Variants in SERTM1 observed in about 807,000 individuals in gnomAD.
The protein encoded by SERTM1 is serine-rich and transmembrane domain-containing protein 1.
SERTM1 carries 1 observed loss-of-function variant against 5.5 expected under a neutral mutation model. The ratio of observed to expected loss-of-function variants is 0.18; its 90% CI spans 0.06 to 0.86. The LOEUF (loss-of-function observed/expected upper bound fraction) is 0.86. Ranked by LOEUF, SERTM1 falls within the 40% of genes least tolerant of loss-of-function variation. SERTM1 has a pLI of 0.69. For missense variants in SERTM1, 91 were observed against 122.4 expected, an observed-to-expected ratio of 0.74 and a Z score of 1.21; for synonymous variants, 52 against 55.1, an observed-to-expected ratio of 0.94 and a Z score of 0.25.
chr13:36,691,445 C>T (rs78646018), intron 1 of SERTM1, among the ~76,000 whole-genome samples: 3 of 152,144 alleles, frequency 2.0e-5, no homozygotes, highest in Non-Finnish European at 2.9e-5. Flanking sequence ...TCCTTCCTCA[C>T]TTCACTAGGG....
Position 36,694,906 on chromosome 13 carries a change from T to C in SERTM1, c.-173T>C. ...GCACTGACTTGCTTTTTTTTTTCAG[T>C]CTCAATGCACATCTGATACCTGCTG... On this transcript the variant is annotated splice_region_variant and 5_prime_UTR_variant, in exon 2 of 2. Transcript: ENST00000315190. The C allele has an allele frequency of 1.1e-5, 6 of 560,584 alleles. No individual in the cohort carries two copies. The highest frequency in any genetic ancestry group is 1.3e-5 in the Non-Finnish European group (4 of 319,148). The allele number at this position is 560,584 out of a possible 1,614,324, so 34.7% of individuals were successfully genotyped here. A position where few individuals can be genotyped will look rare whatever the true frequency, so the allele number is the denominator to read the frequency against.
chr13:36,688,998 C>A (rs1414890322), intron 1 of SERTM1, among the ~76,000 whole-genome samples: 1 of 151,928 alleles, frequency 6.6e-6, no homozygotes, highest in East Asian at 1.9e-4. Context: ...TGCAGGAATT[C>A]TACTCCTTGG....
chr13:36,696,742 A>G lies in SERTM1; in HGVS notation c.*1340A>G, dbSNP rs1439540581. ...CCTTAAGAGTAAGAATTTTAATTTAATTTTGAAAATAAATGGCCCACAGGG... is the reference window on the plus strand; with the variant it reads ...CCTTAAGAGTAAGAATTTTAATTTAGTTTTGAAAATAAATGGCCCACAGGG... On this transcript the variant is annotated 3_prime_UTR_variant, in exon 2 of 2. Coordinates refer to ENST00000315190, the MANE Select transcript of SERTM1 (RefSeq NM_203451.3). The G allele has an allele frequency of 6.0e-6, 1 of 167,086 alleles. No homozygotes were observed. Among genetic ancestry groups the G allele is most frequent in the Non-Finnish European group, 1.5e-5 (1 of 68,116 alleles). The allele number at this position is 167,086 out of a possible 1,614,324, so 10.4% of individuals were successfully genotyped here. A position where few individuals can be genotyped will look rare whatever the true frequency, so the allele number is the denominator to read the frequency against.
In SERTM1 at chr13:36,697,312, A is replaced by ATATATATATAT. The variant is rs2056822145; in HGVS notation, c.*1910_*1911insTATATATATAT. On this transcript the variant is annotated 3_prime_UTR_variant, in exon 2 of 2. Coordinates refer to ENST00000315190, the MANE Select transcript of SERTM1 (RefSeq NM_203451.3). ...ATACGCACACACACACACACACATA[A>ATATATATATAT]ATATATATATATATATATATATATA... The ATATATATATAT allele has an allele frequency of 2.1e-5, 3 of 143,830 alleles. No individual in the cohort carries two copies. Among genetic ancestry groups the ATATATATATAT allele is most frequent in the African/African-American group, 8.3e-5 (3 of 36,162 alleles). 8.9% of individuals were successfully genotyped at this position (143,830 alleles called of 1,614,324 possible).
At chr13:36,681,378 T>C (rs529053740) in intron 1 of SERTM1, among the ~76,000 whole-genome samples, 2 of 152,322 alleles carry the variant, frequency 1.3e-5, no homozygotes, top group South Asian at 2.1e-4. Context: ...GGTGGCTACT[T>C]TGAGTAGCCC....
intron 1 of SERTM1, among the ~76,000 whole-genome samples, chr13:36,683,538 G>T (rs1389909957): frequency 2.0e-5 from 3 of 152,096 alleles, no homozygotes; most frequent in Middle Eastern, 3.2e-3. Context: ...AACAACAAAA[G>T]TTTATTAATG....
intron 1 of SERTM1, among the ~76,000 whole-genome samples, chr13:36,675,624 CTCT>C (rs1481041708): frequency 6.6e-6 from 1 of 152,042 alleles, no homozygotes; most frequent in Non-Finnish European, 1.5e-5. Flanking sequence ...TAACTAAATT[CTCT>C]TCATTTTACT....
rs2056822145 is a variant in SERTM1, at chr13:36,697,312, A to ATATATATAT, written c.*1910_*1911insTATATATAT. ...ATACGCACACACACACACACACATA[A>ATATATATAT]ATATATATATATATATATATATATA... On this transcript the variant is annotated 3_prime_UTR_variant, in exon 2 of 2. Transcript: ENST00000315190. 13 of 143,828 alleles carry ATATATATAT rather than the reference A, an allele frequency of 9.0e-5. No homozygotes were observed. Among genetic ancestry groups the ATATATATAT allele is most frequent in the African/African-American group, 3.3e-4 (12 of 36,160 alleles). The allele number at this position is 143,828 out of a possible 1,614,324, so 8.9% of individuals were successfully genotyped here.
At chr13:36,678,695 A>ATATATATATATATATAT (rs1395603891) in intron 1 of SERTM1, among the ~76,000 whole-genome samples, 21 of 147,426 alleles carry the variant, frequency 1.4e-4, no homozygotes, top group South Asian at 2.1e-4. Flanking sequence ...ATATATATAT[A>ATATATATATATATATAT]AAATATAGTC....
rs558880504 is a variant in SERTM1 at position 36,694,989 on chromosome 13, G to T, written c.-90G>T. 1.1e-6 allele frequency: 1 copy of T among 924,028 alleles called. No individual in the cohort carries two copies. The highest frequency in any genetic ancestry group is 1.6e-5 in the South Asian group (1 of 62,220). 57.2% of individuals were successfully genotyped at this position (924,028 alleles called of 1,614,324 possible). ...AACAGCCTGTGAATTCTGCAAACACGATCGTGAAAAAATGCCAATCTGTCC... is the reference window on the plus strand; with the variant it reads ...AACAGCCTGTGAATTCTGCAAACACTATCGTGAAAAAATGCCAATCTGTCC... On this transcript the variant is annotated 5_prime_UTR_variant, in exon 2 of 2. Coordinates refer to ENST00000315190, the MANE Select transcript of SERTM1 (RefSeq NM_203451.3).
At chr13:36,691,295 TGGGAAGGAAGTTCTTTAAAA>T (rs2056776711) in intron 1 of SERTM1, among the ~76,000 whole-genome samples, 1 of 152,100 alleles carries the variant, frequency 6.6e-6, no homozygotes, top group Non-Finnish European at 1.5e-5. Flanking sequence ...AATCCTTCCG[TGGGAAGGAAGTTCTTTAAAA>T]GGGGTCCCAG....
intron 1 of SERTM1, among the ~76,000 whole-genome samples, chr13:36,685,897 C>T (rs1358396003): frequency 9.9e-5 from 15 of 152,114 alleles, no homozygotes; most frequent in Admixed American, 9.8e-4. Flanking sequence ...CACGCTGGCT[C>T]TTGTGGGTTC....
At chr13:36,676,154 GTTTC>G (rs1237313294) in intron 1 of SERTM1, among the ~76,000 whole-genome samples, 5 of 152,176 alleles carry the variant, frequency 3.3e-5, no homozygotes, top group Non-Finnish European at 7.4e-5. Context: ...GGTTTCCTGG[GTTTC>G]TTTTTCTTTT....
At chr13:36,682,583 A>G (rs1223979132) in intron 1 of SERTM1, among the ~76,000 whole-genome samples, 1 of 152,208 alleles carries the variant, frequency 6.6e-6, no homozygotes, top group Non-Finnish European at 1.5e-5. Context: ...GGATATGTAC[A>G]CATATAAGGA....
Position 36,694,970 on chromosome 13 carries a change from C to A in SERTM1, c.-109C>A. Reference sequence around the variant, plus strand: ...AGTTTTGTTGTGCTGATTTAACAGCCTGTGAATTCTGCAAACACGATCGTG... The same window carrying A: ...AGTTTTGTTGTGCTGATTTAACAGCATGTGAATTCTGCAAACACGATCGTG... On this transcript the variant is annotated 5_prime_UTR_variant, in exon 2 of 2. In the 5' UTR this introduces an upstream ATG that the reference lacks. Coordinates refer to ENST00000315190, the MANE Select transcript of SERTM1 (RefSeq NM_203451.3). The A allele has an allele frequency of 1.3e-6, 1 of 769,764 alleles. No homozygotes were observed. Among genetic ancestry groups the A allele is most frequent in the Non-Finnish European group, 2.2e-6 (1 of 462,636 alleles). 47.7% of individuals were successfully genotyped at this position (769,764 alleles called of 1,614,324 possible).
chr13:36,682,666 A>G (rs59277445), intron 1 of SERTM1, among the ~76,000 whole-genome samples: 3,159 of 152,282 alleles, frequency 0.021, 112 homozygotes, highest in African/African-American at 0.073. Context: ...TCTTAGGTAC[A>G]ATGGTAAAAA....
At chr13:36,680,938 C>G (rs2056701243) in intron 1 of SERTM1, among the ~76,000 whole-genome samples, 1 of 152,094 alleles carries the variant, frequency 6.6e-6, no homozygotes, top group South Asian at 2.1e-4. Flanking sequence ...GTACCTAGTA[C>G]CTGCTATATA....
intron 1 of SERTM1, among the ~76,000 whole-genome samples, chr13:36,691,059 G>C (rs977557264): frequency 3.3e-5 from 5 of 152,204 alleles, no homozygotes; most frequent in African/African-American, 1.2e-4. Context: ...TAAAATTGCT[G>C]TGCCATATTT....
chr13:36,690,286 G>C (rs190449576), intron 1 of SERTM1, among the ~76,000 whole-genome samples: 99 of 152,248 alleles, frequency 6.5e-4, no homozygotes, highest in African/African-American at 2.3e-3. Flanking sequence ...CTCATAATGA[G>C]AGTTCACACA....
Sources: gnomAD v4.1 joint callset for allele counts (sites outside exome capture counted in the v4.1 genomes callset) on GRCh38, gnomAD v4.1.1 for gene constraint, MANE v1.5 for transcripts, NCBI Gene and HGNC (gene_info 2026-07-23, HGNC 2026-07-21) for gene names.